RB1: variants seen among roughly 807,000 people sequenced by gnomAD.
RB1 encodes the protein RB transcriptional corepressor 1, also known as retinoblastoma-associated protein.
A neutral mutation model predicts 135.4 loss-of-function variants in RB1; 18 were observed. The observed-to-expected ratio is 0.13, with a 90% CI of 0.09 to 0.20. The LOEUF is 0.20. Among genes scored for constraint, RB1 ranks in the 10% least tolerant of loss-of-function variants. The pLI is 1.00. For missense variants in RB1, 868 were observed against 1,110.0 expected (o/e 0.78, Z 3.10); for synonymous variants, 365 against 373.2 (o/e 0.98, Z 0.25).
intron 6 of RB1, among the ~76,000 whole-genome samples, chr13:48,356,529 A>G (rs1237803854): frequency 6.6e-6 from 1 of 152,010 alleles, no homozygotes; most frequent in Non-Finnish European, 1.5e-5. Context: ...TTAAAGCAAT[A>G]TACTTTAATC....
chr13:48,380,114 T>G, intron 15 of RB1, 30 bp downstream of exon 15: 2 of 1,454,864 alleles, frequency 1.4e-6, no homozygotes, highest in Non-Finnish European at 9.2e-7. Context: ...TAAAAAATTT[T>G]TTTCTTTTTA....
At chr13:48,309,219 CTT>C (rs1254776512) in intron 2 of RB1, among the ~76,000 whole-genome samples, 2 of 147,456 alleles carry the variant, frequency 1.4e-5, no homozygotes, top group Non-Finnish European at 3.0e-5. Context: ...TTTTATGACT[CTT>C]GATGATTATT....
chr13:48,369,292 G>A (rs1430885611), intron 11 of RB1, among the ~76,000 whole-genome samples: 1 of 152,078 alleles, frequency 6.6e-6, no homozygotes, highest in East Asian at 1.9e-4. Flanking sequence ...TATTTCCTGA[G>A]TGCATCTACT....
rs185775145 is a variant in RB1, at chr13:48,329,319, C to T, written c.265-13280C>T. Among the ~76,000 whole-genome samples the T allele has an allele frequency of 2.9e-3, 444 of 152,040 alleles. 2 individuals are homozygous for T. Among genetic ancestry groups the T allele is most frequent in the African/African-American group, 0.01 (422 of 41,484 alleles). Reference sequence around the variant, plus strand: ...TCAGGTACCTATTATTAGTTTTCACCCACATTGAATCTGTGTTTCAGAAAC... The same window carrying T: ...TCAGGTACCTATTATTAGTTTTCACTCACATTGAATCTGTGTTTCAGAAAC... On this transcript the variant is annotated intron_variant, in intron 2 of 26. Transcript: ENST00000267163.
At chr13:48,345,042 G>A (rs1227657605) in intron 3 of RB1, 38 bp from the exon 4 acceptor site, 3 of 1,591,030 alleles carry the variant, frequency 1.9e-6, no homozygotes, top group African/African-American at 2.7e-5. Flanking sequence ...AAATTTTTAA[G>A]GTTACTGATT....
chr13:48,378,019 G>A (rs1952844881), intron 13 of RB1, among the ~76,000 whole-genome samples: 1 of 152,162 alleles, frequency 6.6e-6, no homozygotes, highest in African/African-American at 2.4e-5. Flanking sequence ...TACTATGAAA[G>A]GAGCTTACAG....
At chr13:48,462,362 T>C (rs1310146329) in intron 20 of RB1, among the ~76,000 whole-genome samples, 2 of 150,582 alleles carry the variant, frequency 1.3e-5, no homozygotes, top group Non-Finnish European at 3.0e-5. Flanking sequence ...TGAGCTCAAG[T>C]AAGCCACCCA....
Position 48,345,709 on chromosome 13 carries a change from G to C in RB1, c.500+510G>C, listed in dbSNP as rs542231568. Among the ~76,000 whole-genome samples, 8 of 152,244 alleles carry C rather than the reference G, an allele frequency of 5.3e-5. No individual in the cohort carries two copies. The South Asian group carries it at 1.7e-3, about 32-fold the overall frequency. On this transcript the variant is annotated intron_variant, in intron 4 of 26. Coordinates refer to ENST00000267163, the MANE Select transcript of RB1 (RefSeq NM_000321.3). ...TTTTTCTATACTTTTCATCAAAACT[G>C]TACTTCCCTACCCCAAATGTTTCAG...
intron 17 of RB1, among the ~76,000 whole-genome samples, chr13:48,425,997 T>C (rs1034594868): frequency 1.3e-5 from 2 of 152,294 alleles, no homozygotes; most frequent in South Asian, 4.1e-4. Context: ...CCCAGTTCCT[T>C]ATACATGTTT....
chr13:48,424,344 C>T (rs1007569885), intron 17 of RB1, among the ~76,000 whole-genome samples: 4 of 151,918 alleles, frequency 2.6e-5, no homozygotes, highest in African/African-American at 9.7e-5. Flanking sequence ...TACTTTTTAC[C>T]GGAATGTGAG....
At chr13:48,318,431 G>A (rs1448718258) in intron 2 of RB1, 2 of 1,480,244 alleles carry the variant, frequency 1.4e-6, no homozygotes, top group African/African-American at 2.8e-5. Flanking sequence ...TGTCCAGGGA[G>A]CTGCTCTTGT....
intron 17 of RB1, among the ~76,000 whole-genome samples, chr13:48,438,936 TTCTCTTAGCA>T (rs11279873): frequency 0.05 from 7,607 of 152,232 alleles, 627 homozygotes; most frequent in African/African-American, 0.17. Context: ...AATGTGCTAT[TTCTCTTAGCA>T]TCTCTAGATG....
At chr13:48,387,370 G>A (rs1948578606) in intron 17 of RB1, among the ~76,000 whole-genome samples, 1 of 152,024 alleles carries the variant, frequency 6.6e-6, no homozygotes, top group Non-Finnish European at 1.5e-5. Flanking sequence ...AAAGCTATTA[G>A]CTACTTTATG....
chr13:48,415,307 T>G (rs1948889886), intron 17 of RB1, among the ~76,000 whole-genome samples: 41 of 151,954 alleles, frequency 2.7e-4, no homozygotes, highest in Admixed American at 2.6e-3. Context: ...CTTTTTTTTT[T>G]CTCACTCTGC....
intron 17 of RB1, chr13:48,444,946 A>G (rs1949273724): frequency 6.6e-6 from 1 of 152,044 alleles, no homozygotes. Flanking sequence ...TCAGTTTTGC[A>G]TAATATGAAG....
chr13:48,377,089 G>A (rs936768914), intron 13 of RB1, 55 bp downstream of exon 13: 1 of 1,534,626 alleles, frequency 6.5e-7, no homozygotes, highest in Admixed American at 1.7e-5. Context: ...ATTAAAAGCA[G>A]CATCTTTCCA....
In RB1 at chr13:48,381,339, G is replaced by A. The variant is rs2138145287; in HGVS notation, c.1591G>A (p.Val531Met). 1 of 1,611,740 alleles carries A rather than the reference G, an allele frequency of 6.2e-7. No individual in the cohort carries two copies. Among genetic ancestry groups the A allele is most frequent in the African/African-American group, 1.3e-5 (1 of 74,852 alleles). The change falls in exon 17 of 27, where the codon GTG becomes ATG. Residue 531 changes from valine to methionine, a missense_variant. Physicochemically the swap from Val to Met is conservative, Grantham distance 21. This residue lies in a region of RB1 where 641 missense variants were observed against 791.3 expected (regional missense o/e 0.81). Transcript: ENST00000267163. Reference sequence around the variant, plus strand: ...TTTAAAAGCCTTTGATTTTTACAAAGTGATCGAAAGTTTTATCAAAGCAGA... The same window carrying A: ...TTTAAAAGCCTTTGATTTTTACAAAATGATCGAAAGTTTTATCAAAGCAGA... ...LNLKAFDFYK[V>M]IESFIKAEGN...
chr13:48,370,418 T>C (rs1952747292), intron 11 of RB1, among the ~76,000 whole-genome samples: 3 of 152,200 alleles, frequency 2.0e-5, no homozygotes, highest in Admixed American at 2.0e-4. Context: ...TCCCCAAAAC[T>C]GGCCCCAACT....
Position 48,412,416 on chromosome 13 carries a change from C to G in RB1, c.1695+30973C>G. The G allele has an allele frequency of 6.2e-7, 1 of 1,613,190 alleles. No homozygotes were observed. Among genetic ancestry groups the G allele is most frequent in the South Asian group, 1.1e-5 (1 of 91,062 alleles). ...ATAGAAGCAGTGGGAGCTGTTAACG[C>G]TTACCATCGTAAAGGCACGTCCAAT... is the stretch of plus-strand genomic sequence containing the variant. On this transcript the variant is annotated intron_variant, in intron 17 of 26. Coordinates refer to ENST00000267163, the MANE Select transcript of RB1 (RefSeq NM_000321.3).
Sources: gnomAD v4.1 joint callset for allele counts (sites outside exome capture counted in the v4.1 genomes callset) on GRCh38, gnomAD v4.1.1 for gene constraint, gnomAD v4.1.1 regional missense constraint, MANE v1.5 for transcripts, NCBI Gene and HGNC (gene_info 2026-07-23, HGNC 2026-07-21) for gene names.